The following ATP11C variants were observed in gnomAD, a reference collection of about 807,000 sequenced individuals.
ATP11C encodes the protein phospholipid-transporting ATPase IG.
ATP11C carries 36 observed loss-of-function variants against 97.4 expected under a neutral mutation model. The ratio of observed to expected loss-of-function variants is 0.37; its 90% confidence interval spans 0.28 to 0.49. The LOEUF is 0.49. ATP11C is among the 20% of genes least tolerant of loss of function. ATP11C has a pLI of 0.98. For synonymous variants in ATP11C, 275 were observed against 290.9 expected, an observed-to-expected ratio of 0.95 and a Z score of 0.56; for missense variants, 730 against 824.6, an observed-to-expected ratio of 0.89 and a Z score of 1.40.
At chrX:139,745,456 G>C (rs192874987) in intron 25 of ATP11C, among the ~76,000 whole-genome samples, 1 of 111,966 alleles carries the variant, frequency 8.9e-6, no homozygotes, top group Admixed American at 9.4e-5. Flanking sequence ...GAAGTCCCAA[G>C]AACTCTGTTC....
Position 139,733,399 on chromosome X carries a change from T to C in ATP11C, c.3289-1644A>G, listed in dbSNP as rs771431261. Among the ~76,000 whole-genome samples the C allele has an allele frequency of 3.6e-4, 41 of 112,430 alleles. 1 individual carries two copies. The highest frequency in any genetic ancestry group is 6.2e-4 in the Non-Finnish European group (33 of 53,122). ...CTCTGCTAATAAAGATTACCCATATTGTCTACTTAGTGACCTAAAATGGGC... is the reference window on the plus strand; with the variant it reads ...CTCTGCTAATAAAGATTACCCATATCGTCTACTTAGTGACCTAAAATGGGC... On this transcript the variant is annotated intron_variant, in intron 28 of 29. Coordinates refer to ENST00000682941, the MANE Select transcript of ATP11C (RefSeq NM_001353812.2).
chrX:139,753,175 C>T (rs1299374932), intron 23 of ATP11C, among the ~76,000 whole-genome samples: 1 of 111,243 alleles, frequency 9.0e-6, no homozygotes, highest in Non-Finnish European at 1.9e-5. Context: ...ATACATTCCT[C>T]TTATCACCAC....
intron 17 of ATP11C, 148 bp downstream of exon 17, chrX:139,783,016 A>G (rs2082496455): frequency 6.5e-6 from 3 of 458,718 alleles, no homozygotes; most frequent in Non-Finnish European, 1.1e-5. Context: ...AAAAAAAGTA[A>G]TATTATCAAA....
chrX:139,861,769 TACACAC>T (rs5904005), intron 1 of ATP11C, among the ~76,000 whole-genome samples: 3,115 of 101,255 alleles, frequency 0.031, 56 homozygotes, highest in Non-Finnish European at 0.04. Context: ...AATCCTGTTA[TACACAC>T]ACACACACAC....
chrX:139,794,913 CA>C (rs1170355434), intron 12 of ATP11C, among the ~76,000 whole-genome samples: 1 of 111,822 alleles, frequency 8.9e-6, no homozygotes, highest in East Asian at 2.8e-4. Flanking sequence ...GCACTAAATC[CA>C]GAACAGGCAG....
Position 139,745,732 on chromosome X carries a change from T to C in ATP11C, c.2954A>G (p.Glu985Gly), listed in dbSNP as rs1293768298. The C allele has an allele frequency of 8.3e-7, 1 of 1,201,536 alleles. No individual in the cohort carries two copies. The highest frequency in any genetic ancestry group is 3.0e-5 in the East Asian group (1 of 33,706). The change falls in exon 25 of 30, where the codon GAA becomes GGA. Residue 985 changes from glutamate (E) to glycine (G), a missense_variant. Glu to Gly is a moderately conservative substitution (Grantham distance 98). Coordinates refer to ENST00000682941, the MANE Select transcript of ATP11C (RefSeq NM_001353812.2). ...ACAGGTTCTTTTTACCTTTCCATTT[T>C]CTTCTAGGGATGCAGTCTGAAAAAG... ...YFLFQTASLE[E>G]NGKVYGNWTF... is the part of the protein sequence containing the mutation.
intron 2 of ATP11C, among the ~76,000 whole-genome samples, chrX:139,821,151 T>C (rs1056537285): frequency 8.9e-6 from 1 of 112,062 alleles, no homozygotes; most frequent in Non-Finnish European, 1.9e-5. Flanking sequence ...AGGAGGCAAG[T>C]ACATTCAGTA....
intron 5 of ATP11C, among the ~76,000 whole-genome samples, chrX:139,806,632 C>T (rs1461331872): frequency 9.0e-6 from 1 of 111,362 alleles, no homozygotes; most frequent in African/African-American, 3.3e-5. Context: ...AGAATCTCTA[C>T]AAGCCTGAGA....
intron 1 of ATP11C, among the ~76,000 whole-genome samples, chrX:139,866,913 T>A (rs1404281638): frequency 9.1e-6 from 1 of 109,776 alleles, no homozygotes; most frequent in Non-Finnish European, 1.9e-5. Context: ...CAAAGCCCTG[T>A]CTCTACAAAA....
chrX:139,845,104 C>A (rs1174271247), intron 1 of ATP11C, among the ~76,000 whole-genome samples: 1 of 111,612 alleles, frequency 9.0e-6, no homozygotes, highest in Non-Finnish European at 1.9e-5. Flanking sequence ...AGGGGCTGGA[C>A]CCAACATTTC....
At chrX:139,860,771 T>G (rs56056520) in intron 1 of ATP11C, among the ~76,000 whole-genome samples, 6,530 of 111,152 alleles carry the variant, frequency 0.059, 443 homozygotes, top group African/African-American at 0.21. Context: ...TGAGCTGAGA[T>G]CACACCACTG....
At chrX:139,918,559 G>A (rs1197223474) in intron 1 of ATP11C, among the ~76,000 whole-genome samples, 1 of 99,057 alleles carries the variant, frequency 1.0e-5, no homozygotes, top group East Asian at 3.5e-4. Context: ...GGCGGGGGTG[G>A]GGGTGGGGAC....
intron 1 of ATP11C, among the ~76,000 whole-genome samples, chrX:139,903,385 C>T (rs768287670): frequency 3.6e-5 from 4 of 109,589 alleles, no homozygotes; most frequent in African/African-American, 1.0e-4. Context: ...GGGTCCCACC[C>T]TATACCCTGG....
At chrX:139,911,631 T>C (rs1284726714) in intron 1 of ATP11C, among the ~76,000 whole-genome samples, 1 of 111,176 alleles carries the variant, frequency 9.0e-6, no homozygotes, top group African/African-American at 3.3e-5. Context: ...CATACAGTTT[T>C]GTGTTTCTAT....
chrX:139,731,956 C>T (rs1054483758), intron 28 of ATP11C, among the ~76,000 whole-genome samples: 5 of 111,495 alleles, frequency 4.5e-5, no homozygotes, highest in African/African-American at 1.6e-4. Context: ...GTCTCCAACT[C>T]GAATTGTTTT....
intron 27 of ATP11C, among the ~76,000 whole-genome samples, chrX:139,740,445 C>T (rs1254699482): frequency 9.0e-6 from 1 of 111,420 alleles, no homozygotes; most frequent in Non-Finnish European, 1.9e-5. Context: ...TAAAGACAAG[C>T]TGCAGAGTCT....
chrX:139,734,108 C>G (rs1185045829), intron 28 of ATP11C, among the ~76,000 whole-genome samples: 2 of 111,229 alleles, frequency 1.8e-5, no homozygotes, highest in Non-Finnish European at 3.8e-5. Flanking sequence ...TCAACAGCCA[C>G]GACATTAGGA....
At chrX:139,756,087 A>G (rs972418258) in intron 23 of ATP11C, among the ~76,000 whole-genome samples, 3 of 112,548 alleles carry the variant, frequency 2.7e-5, no homozygotes, top group African/African-American at 6.4e-5. Flanking sequence ...TGTGACAAAT[A>G]TGTAATATCC....
At chrX:139,742,075 G>A (rs1227363913) in intron 26 of ATP11C, among the ~76,000 whole-genome samples, 1 of 111,702 alleles carries the variant, frequency 9.0e-6, no homozygotes, top group Non-Finnish European at 1.9e-5. Context: ...GGAGGGAGTG[G>A]AAGTCTTTGA....
Sources: gnomAD v4.1 joint callset for allele counts (sites outside exome capture counted in the v4.1 genomes callset) on GRCh38, gnomAD v4.1.1 for gene constraint, MANE v1.5 for transcripts, NCBI Gene and HGNC (gene_info 2026-07-23, HGNC 2026-07-21) for gene names.